The following PARD3B variants were observed in gnomAD, a reference collection of about 807,000 sequenced individuals.
PARD3B encodes partitioning defective 3 homolog B.
In PARD3B, 103 loss-of-function variants were observed where a neutral mutation model predicts 130.2. That is an observed-to-expected ratio of 0.79 (90% CI 0.67 to 0.93). The LOEUF is 0.93. Ranked by LOEUF, PARD3B falls within the 40% of genes least tolerant of loss-of-function variation. PARD3B has a pLI of 0.00. For synonymous variants in PARD3B, 583 were observed against 553.2 expected (o/e 1.05, Z -0.76); for missense variants, 1,609 against 1,499.2 (o/e 1.07, Z -1.21).
At chr2:205,613,794 T>C (rs930603725) in intron 22 of PARD3B, among the ~76,000 whole-genome samples, 2 of 152,228 alleles carry the variant, frequency 1.3e-5, no homozygotes, top group South Asian at 4.1e-4. Flanking sequence ...GCTTTCTACA[T>C]GCACCGAGCT....
At chr2:205,485,176 T>C (rs1180273919) in intron 20 of PARD3B, among the ~76,000 whole-genome samples, 3 of 152,208 alleles carry the variant, frequency 2.0e-5, no homozygotes, top group East Asian at 1.9e-4. Flanking sequence ...TCATTTGTTT[T>C]GTTTTGTTTT....
chr2:205,213,310 C>G (rs1003879922), intron 15 of PARD3B, among the ~76,000 whole-genome samples: 1 of 152,032 alleles, frequency 6.6e-6, no homozygotes, highest in Non-Finnish European at 1.5e-5. Flanking sequence ...GATACTATAT[C>G]TTAGCACAGA....
chr2:205,602,511 C>CT (rs1311006977), intron 22 of PARD3B, among the ~76,000 whole-genome samples: 2 of 152,002 alleles, frequency 1.3e-5, no homozygotes, highest in Non-Finnish European at 2.9e-5. Context: ...GGTCCTGGGC[C>CT]TTTTTTGGTT....
chr2:205,274,947 A>G lies in PARD3B; in HGVS notation c.2186-25583A>G, dbSNP rs2040879618. On this transcript the variant is annotated intron_variant, in intron 16 of 22. Coordinates refer to ENST00000406610, the MANE Select transcript of PARD3B (RefSeq NM_001302769.2). This position sits in a 1 kb window ranked among gnomAD's most constrained non-coding sequence, Gnocchi z 4.2. ...CATGTTTATCATTTCCTTAATTTTTATTGTCCTGTGTTGTAAAGTGGTCTG... is the reference window on the plus strand; with the variant it reads ...CATGTTTATCATTTCCTTAATTTTTGTTGTCCTGTGTTGTAAAGTGGTCTG... Among the ~76,000 whole-genome samples, 1 of 152,034 alleles carries G rather than the reference A, an allele frequency of 6.6e-6. No individual in the cohort carries two copies.
rs911700664 is a variant in PARD3B, at chr2:205,052,790, A to G, written c.504+5100A>G. ...TTATCACCTGTTTACATGACACATA[A>G]TATGTAAGTTCAAGATTTTAAGAGG... On this transcript the variant is annotated intron_variant, in intron 4 of 22. Transcript: ENST00000406610. Among the ~76,000 whole-genome samples the G allele has an allele frequency of 2.6e-5, 4 of 152,138 alleles. No individual in the cohort carries two copies. In the South Asian group the frequency reaches 8.3e-4, roughly 32 times the overall value.
At chr2:205,063,454 G>T (rs942000922) in intron 4 of PARD3B, among the ~76,000 whole-genome samples, 9 of 152,096 alleles carry the variant, frequency 5.9e-5, no homozygotes, top group African/African-American at 2.2e-4. Context: ...GATGCAGGTA[G>T]AAAAATGCTT....
intron 18 of PARD3B, among the ~76,000 whole-genome samples, chr2:205,363,625 A>G (rs879888929): frequency 1.3e-5 from 2 of 152,014 alleles, no homozygotes; most frequent in Non-Finnish European, 2.9e-5. Context: ...GGAGTAACAC[A>G]TGCCTCTTTC....
chr2:205,401,225 T>A (rs2046241032), intron 19 of PARD3B, 102 bp downstream of exon 19: 1 of 944,732 alleles, frequency 1.1e-6, no homozygotes, highest in African/African-American at 1.6e-5. Flanking sequence ...TTAAGAAGTA[T>A]AGGGGTTGAC....
chr2:205,364,887 A>G (rs1454855141), intron 18 of PARD3B, among the ~76,000 whole-genome samples: 1 of 152,154 alleles, frequency 6.6e-6, no homozygotes, highest in East Asian at 1.9e-4. Context: ...AGTCTTTTTT[A>G]CCCCAAGGCC....
At chr2:205,238,759 G>A in intron 15 of PARD3B, among the ~76,000 whole-genome samples, 1 of 146,924 alleles carries the variant, frequency 6.8e-6, no homozygotes, top group Middle Eastern at 3.3e-3. Context: ...TTAAACCCAG[G>A]AGGCAGAGGT....
chr2:205,553,138 G>C (rs1358076891), intron 21 of PARD3B, among the ~76,000 whole-genome samples, 186 bp from the exon 22 acceptor site: 9 of 152,220 alleles, frequency 5.9e-5, no homozygotes, highest in Non-Finnish European at 1.2e-4. Context: ...TGACTTTGTT[G>C]TTAAATGCCA....
At chr2:204,734,301 C>T (rs1559099744) in intron 2 of PARD3B, among the ~76,000 whole-genome samples, 1 of 152,150 alleles carries the variant, frequency 6.6e-6, no homozygotes, top group Admixed American at 6.5e-5. Context: ...CTTGAACTCT[C>T]ATACATTGCT....
intron 1 of PARD3B, among the ~76,000 whole-genome samples, chr2:204,600,903 C>G (rs543328720): frequency 1.3e-5 from 2 of 151,832 alleles, no homozygotes; most frequent in Middle Eastern, 6.8e-3. Flanking sequence ...TTGAATCTTT[C>G]TGTCCAACTG....
intron 3 of PARD3B, among the ~76,000 whole-genome samples, chr2:205,028,370 C>A (rs1473225087): frequency 6.6e-6 from 1 of 152,116 alleles, no homozygotes; most frequent in Admixed American, 6.6e-5. Context: ...ATTAAAAACT[C>A]TTAATAGATT....
intron 16 of PARD3B, among the ~76,000 whole-genome samples, chr2:205,270,891 G>A (rs2040699588): frequency 6.6e-6 from 1 of 152,042 alleles, no homozygotes; most frequent in South Asian, 2.1e-4. Context: ...ATAGCTCATT[G>A]TCCAGAATTG....
At chr2:204,551,466 C>A (rs1483960355) in intron 1 of PARD3B, among the ~76,000 whole-genome samples, 1 of 152,152 alleles carries the variant, frequency 6.6e-6, no homozygotes, top group Non-Finnish European at 1.5e-5. Context: ...TATTTTCTCA[C>A]TTATGGCCTT....
At chr2:204,953,315 A>G (rs1689949560) in intron 2 of PARD3B, among the ~76,000 whole-genome samples, 1 of 152,056 alleles carries the variant, frequency 6.6e-6, no homozygotes, top group South Asian at 2.1e-4. Context: ...ATGGATTACA[A>G]TTAGGGAAAG....
intron 20 of PARD3B, among the ~76,000 whole-genome samples, chr2:205,476,675 C>T (rs2049034419): frequency 6.6e-6 from 1 of 151,962 alleles, no homozygotes; most frequent in Non-Finnish European, 1.5e-5. Flanking sequence ...TTTTGCATTA[C>T]CCTCTTATGA....
chr2:205,071,959 G>A (rs1221154730), intron 4 of PARD3B, among the ~76,000 whole-genome samples: 1 of 151,214 alleles, frequency 6.6e-6, no homozygotes, highest in South Asian at 2.1e-4. Context: ...TTTTGTGCTT[G>A]TGTGACTCAT....
Sources: allele counts gnomAD v4.1 joint callset (sites outside exome capture counted in the v4.1 genomes callset), GRCh38; gene constraint gnomAD v4.1.1; non-coding constraint Gnocchi (gnomAD v3.1); transcripts MANE v1.5; gene names NCBI Gene and HGNC (gene_info 2026-07-23, HGNC 2026-07-21).